Variants in TENM3 observed in about 807,000 individuals in gnomAD.
TENM3 encodes the protein teneurin-3.
In TENM3, 63 loss-of-function variants were observed where a neutral mutation model predicts 255.1. The ratio of observed to expected loss-of-function variants is 0.25; its 90% CI spans 0.20 to 0.30. The LOEUF is 0.30. Among genes scored for constraint, TENM3 ranks in the 10% least tolerant of loss-of-function variants. The pLI is 1.00. For synonymous variants in TENM3, 1,306 were observed against 1,322.3 expected, an observed-to-expected ratio of 0.99 and a Z score of 0.27; for missense variants, 2,929 against 3,461.1, an observed-to-expected ratio of 0.85 and a Z score of 3.86.
chr4:182,482,009 A>G (rs1224571174), intron 3 of TENM3, among the ~76,000 whole-genome samples: 1 of 152,212 alleles, frequency 6.6e-6, no homozygotes, highest in Non-Finnish European at 1.5e-5. Context: ...AAGTAAATGC[A>G]GATACTGTAT....
chr4:181,702,967 T>C, the TENM3 span, among the ~76,000 whole-genome samples: 1 of 152,214 alleles, frequency 6.6e-6, no homozygotes, highest in Admixed American at 6.5e-5. Flanking sequence ...ATATGCTAAG[T>C]ACTCCAATCA....
the TENM3 span, among the ~76,000 whole-genome samples, chr4:182,059,519 G>A: frequency 6.6e-5 from 10 of 151,840 alleles, no homozygotes; most frequent in East Asian, 1.7e-3. Flanking sequence ...TCTACTGGAA[G>A]GGAAGTTCCA....
the TENM3 span, among the ~76,000 whole-genome samples, chr4:181,997,044 AG>A: frequency 2.0e-3 from 307 of 152,304 alleles, 1 homozygote; most frequent in Middle Eastern, 0.014. Context: ...GTGAAGTAAA[AG>A]TTTTAGGGCT....
chr4:182,533,239 T>G (rs1264170677), intron 3 of TENM3, among the ~76,000 whole-genome samples: 1 of 152,156 alleles, frequency 6.6e-6, no homozygotes, highest in Non-Finnish European at 1.5e-5. Flanking sequence ...TGAATAGGGG[T>G]CTGCAATCTA....
At position 182,660,020 on chromosome 4, in the gene TENM3, T is replaced by C. The variant is rs551835801; in HGVS notation, c.1111+6127T>C. On this transcript the variant is annotated intron_variant, in intron 6 of 27. Coordinates refer to ENST00000511685, the MANE Select transcript of TENM3 (RefSeq NM_001080477.4). Reference sequence around the variant, plus strand: ...AGTGGTCTCATCAATTAAAAGGGACTAATTTACTTCATAGAATGGTCTTTG... The same window carrying C: ...AGTGGTCTCATCAATTAAAAGGGACCAATTTACTTCATAGAATGGTCTTTG... Among the ~76,000 whole-genome samples the C allele has an allele frequency of 1.4e-4, 22 of 152,358 alleles. 1 individual carries two copies. The South Asian group carries it at 4.3e-3, about 30-fold the overall frequency.
intron 22 of TENM3, among the ~76,000 whole-genome samples, chr4:182,763,589 T>C (rs942822304): frequency 6.6e-6 from 1 of 151,696 alleles, no homozygotes; most frequent in Admixed American, 6.6e-5. Flanking sequence ...CAAGTTCTAA[T>C]AAAGGCAAGC....
the TENM3 span, among the ~76,000 whole-genome samples, chr4:181,810,973 G>A: frequency 4.4e-4 from 67 of 152,178 alleles, 1 homozygote; most frequent in Middle Eastern, 6.8e-3. Flanking sequence ...GAGTTATGAG[G>A]AAAGAGGGGA....
chr4:181,705,144 C>T, the TENM3 span, among the ~76,000 whole-genome samples: 3 of 151,964 alleles, frequency 2.0e-5, no homozygotes, highest in African/African-American at 7.3e-5. Flanking sequence ...TTAAATAAAT[C>T]AACATCAACA....
At position 182,590,425 on chromosome 4, in the gene TENM3, C is replaced by T. The variant is rs143411988; in HGVS notation, c.512-10499C>T. Among the ~76,000 whole-genome samples the T allele has an allele frequency of 3.3e-3, 496 of 149,948 alleles. 3 individuals carry two copies. Among genetic ancestry groups the T allele is most frequent in the Non-Finnish European group, 5.4e-3 (366 of 67,656 alleles). Reference sequence around the variant, plus strand: ...GGCTGAGGTGGGAGGAACACTTGAGCCCGGGAGTTCTAGATCAGCCTGGGC... The same window carrying T: ...GGCTGAGGTGGGAGGAACACTTGAGTCCGGGAGTTCTAGATCAGCCTGGGC... On this transcript the variant is annotated intron_variant, in intron 3 of 27. Coordinates refer to ENST00000511685, the MANE Select transcript of TENM3 (RefSeq NM_001080477.4).
intron 12 of TENM3, among the ~76,000 whole-genome samples, chr4:182,700,128 A>G (rs1367408718): frequency 6.6e-6 from 1 of 152,220 alleles, no homozygotes; most frequent in African/African-American, 2.4e-5. Context: ...AAGCCAGGTA[A>G]CTGGAGAGTG....
At chr4:182,234,649 T>C (rs967723061) in intron 1 of TENM3, among the ~76,000 whole-genome samples, 2 of 152,056 alleles carry the variant, frequency 1.3e-5, no homozygotes, top group African/African-American at 4.8e-5. Flanking sequence ...GGAGAATCAC[T>C]TGAACCTAGG....
intron 3 of TENM3, among the ~76,000 whole-genome samples, chr4:182,503,494 A>T (rs943834210): frequency 6.6e-6 from 1 of 152,124 alleles, no homozygotes; most frequent in Non-Finnish European, 1.5e-5. Flanking sequence ...TACTACATAT[A>T]TACTCATTTT....
rs1220269708 is a variant in TENM3 at position 182,688,180 on chromosome 4, G to A, written c.2050G>A (p.Asp684Asn). Residue 684 changes from aspartate to asparagine, a missense_variant, in exon 12 of 28, where the codon GAC (aspartate) becomes AAC (asparagine). Asp to Asn is a conservative substitution (Grantham distance 23, BLOSUM62 1). This residue lies in a region of TENM3 where 1,608 missense variants were observed against 1,884.4 expected (regional missense o/e 0.85). Transcript: ENST00000511685. ...PDCSNEICSVDCGSHGVCMGG... is the reference protein window; with the variant it reads ...PDCSNEICSVNCGSHGVCMGG... ...CTCCCACATAGAAATATGTTCTGTG[G>A]ACTGTGGCTCACACGGCGTTTGCAT... 3.1e-6 allele frequency: 5 copies of A among 1,610,640 alleles called. No homozygotes were observed. In the South Asian group the frequency reaches 5.5e-5, roughly 18 times the overall value.
chr4:182,467,726 A>G (rs1162094064), intron 3 of TENM3, among the ~76,000 whole-genome samples: 1 of 152,182 alleles, frequency 6.6e-6, no homozygotes, highest in African/African-American at 2.4e-5. Context: ...CACCCCTGCC[A>G]GTAGGAGAGT....
the TENM3 span, among the ~76,000 whole-genome samples, chr4:181,796,577 A>C: frequency 6.6e-6 from 1 of 152,170 alleles, no homozygotes; most frequent in Admixed American, 6.5e-5. Flanking sequence ...TGTGCACTAG[A>C]GGATGAGCCC....
the TENM3 span, among the ~76,000 whole-genome samples, chr4:181,602,077 A>C: frequency 1.3e-5 from 2 of 152,176 alleles, no homozygotes; most frequent in African/African-American, 2.4e-5. Flanking sequence ...CCAGTGGACA[A>C]ATCTTTTGGA....
chr4:181,766,079 T>C, the TENM3 span, among the ~76,000 whole-genome samples: 438 of 152,172 alleles, frequency 2.9e-3, 2 homozygotes, highest in African/African-American at 0.01. Flanking sequence ...GAACTGAGGC[T>C]CTGAAATTTC....
the TENM3 span, among the ~76,000 whole-genome samples, chr4:181,657,551 A>G: frequency 6.6e-6 from 1 of 152,198 alleles, no homozygotes; most frequent in African/African-American, 2.4e-5. Context: ...GGAAATGTGA[A>G]TTAGTTCGGC....
the TENM3 span, among the ~76,000 whole-genome samples, chr4:181,569,047 G>A: frequency 6.6e-6 from 1 of 152,172 alleles, no homozygotes; most frequent in Non-Finnish European, 1.5e-5. Flanking sequence ...GTAATAAAAG[G>A]TTTTTGCCAG....
Sources: allele counts gnomAD v4.1 joint callset (sites outside exome capture counted in the v4.1 genomes callset), GRCh38; gene constraint gnomAD v4.1.1; regional missense constraint gnomAD v4.1.1; transcripts MANE v1.5; gene names NCBI Gene and HGNC (gene_info 2026-07-23, HGNC 2026-07-21).